Variants in MROH1 observed in about 807,000 individuals in gnomAD.
The protein encoded by MROH1 is maestro heat-like repeat-containing protein family member 1.
MROH1 carries 117 observed loss-of-function variants against 116.5 expected under a neutral mutation model. The observed-to-expected ratio is 1.00, with a 90% CI of 0.86 to 1.17. The LOEUF is 1.17. Ranked by LOEUF, MROH1 falls within the 50% of genes most tolerant of loss-of-function variation. The pLI is 0.00. For missense variants in MROH1, 1,873 were observed against 1,338.5 expected, an observed-to-expected ratio of 1.40 and a Z score of -6.23; for synonymous variants, 921 against 583.9, an observed-to-expected ratio of 1.58 and a Z score of -8.32.
chr8:144,208,413 T>TA (rs200301801), intron 12 of MROH1, among the ~76,000 whole-genome samples: 2,942 of 151,350 alleles, frequency 0.019, 39 homozygotes, highest in Middle Eastern at 0.038. Context: ...TGGGGTTTTT[T>TA]TTTTTTCTAT....
rs1396932223 is a variant in MROH1, at chr8:144,260,941, A to G, written c.4571A>G (p.Asn1524Ser). The G allele has an allele frequency of 3.9e-6, 3 of 777,678 alleles. No individual in the cohort carries two copies. The highest frequency in any genetic ancestry group is 3.1e-4 in the Middle Eastern group (1 of 3,232). The allele number at this position is 777,678 out of a possible 1,614,324, so 48.2% of individuals were successfully genotyped here. ...TTTGCCCTGCGCATGTGTGGCCCCA[A>G]TCTGGCATGTGAGGAGCTCTCAGCT... ...CRFALRMCGP[N>S]LACEELSAAF... The change falls in exon 41 of 44, where the codon AAT becomes AGT. Residue 1524 changes from asparagine (N) to serine (S), a missense_variant. By Grantham distance (46) the Asn-to-Ser change is conservative. Transcript: ENST00000326134.
chr8:144,238,345 G>A (rs1840395865), intron 14 of MROH1, among the ~76,000 whole-genome samples: 1 of 152,134 alleles, frequency 6.6e-6, no homozygotes, highest in Non-Finnish European at 1.5e-5. Context: ...GACGCCTTCT[G>A]GGGAGCTGAG....
intron 36 of MROH1, 97 bp downstream of exon 36, chr8:144,259,011 TC>T: frequency 3.1e-6 from 2 of 645,004 alleles, no homozygotes; most frequent in East Asian, 5.4e-5. Flanking sequence ...CCCATGCGTG[TC>T]AGGCCAATGG....
intron 14 of MROH1, among the ~76,000 whole-genome samples, chr8:144,236,282 G>A (rs1052795986): frequency 4.6e-5 from 7 of 152,136 alleles, no homozygotes; most frequent in Non-Finnish European, 7.4e-5. Flanking sequence ...GTATCATATC[G>A]GGGGTCCTAG....
chr8:144,196,153 G>A (rs1218540140), intron 10 of MROH1, among the ~76,000 whole-genome samples: 2 of 151,684 alleles, frequency 1.3e-5, no homozygotes, highest in African/African-American at 4.8e-5. Context: ...AGCTGGGCGT[G>A]GTGGCGGGTG....
In MROH1 at chr8:144,163,573, G is replaced by T. The variant is rs1374952272; in HGVS notation, c.-56-198G>T. Among the ~76,000 whole-genome samples the T allele has an allele frequency of 1.3e-5, 2 of 152,196 alleles. No individual in the cohort carries two copies. Among genetic ancestry groups the T allele is most frequent in the Non-Finnish European group, 2.9e-5 (2 of 68,038 alleles). ...TGGTAGGGACTGATGGGTGCTCAGG[G>T]ATGGAGGAGAGCTGGAAACTGTTGA... On this transcript the variant is annotated intron_variant, in intron 2 of 43. Coordinates refer to ENST00000326134, the MANE Select transcript of MROH1 (RefSeq NM_032450.3). The surrounding 1 kb of genome is among the most constrained non-coding windows in gnomAD (Gnocchi z 4.4).
At chr8:144,232,455 TTGAG>T (rs1839080736) in intron 14 of MROH1, among the ~76,000 whole-genome samples, 1 of 151,984 alleles carries the variant, frequency 6.6e-6, no homozygotes, top group South Asian at 2.1e-4. Flanking sequence ...GTAGATTAGA[TTGAG>T]TGCTTTGTTT....
chr8:144,159,025 G>A (rs1818844044), intron 1 of MROH1, among the ~76,000 whole-genome samples: 1 of 152,130 alleles, frequency 6.6e-6, no homozygotes, highest in African/African-American at 2.4e-5. Flanking sequence ...ACAGGTATGA[G>A]CCACTCTGCC....
intron 35 of MROH1, among the ~76,000 whole-genome samples, chr8:144,257,017 AACTG>A (rs1843985777): frequency 6.6e-6 from 1 of 152,082 alleles, no homozygotes; most frequent in Non-Finnish European, 1.5e-5. Flanking sequence ...GGCCCAGCTG[AACTG>A]ACTGTGGCCC....
In MROH1 at chr8:144,258,837, G is replaced by A; in HGVS notation, c.3852G>A (p.Gln1284=). 1.3e-6 allele frequency: 1 copy of A among 769,484 alleles called. No homozygotes were observed. Among genetic ancestry groups the A allele is most frequent in the Non-Finnish European group, 2.4e-6 (1 of 414,526 alleles). 47.7% of individuals were successfully genotyped at this position (769,484 alleles called of 1,614,324 possible). Reference sequence around the variant, plus strand: ...GCAGCGGCAGCGAGGATGTGGTACAGCGCATGGACCTGGAGGGAGGCTGGG... The same window carrying A: ...GCAGCGGCAGCGAGGATGTGGTACAACGCATGGACCTGGAGGGAGGCTGGG... The part of the protein sequence containing the change: ...LLRSGSEDVV[Q]RMDLEGGWEL... Residue 1284 remains glutamine (Q), a synonymous_variant, in exon 36 of 44, where the codon CAG becomes CAA. Coordinates refer to ENST00000326134, the MANE Select transcript of MROH1 (RefSeq NM_032450.3).
intron 12 of MROH1, among the ~76,000 whole-genome samples, chr8:144,218,078 A>G (rs1418970335): frequency 1.3e-5 from 2 of 151,830 alleles, no homozygotes; most frequent in Middle Eastern, 3.2e-3. Context: ...GTGCCCGTCT[A>G]CTCAATTCCA....
At chr8:144,234,421 GT>G (rs1378665200) in intron 14 of MROH1, among the ~76,000 whole-genome samples, 1 of 138,026 alleles carries the variant, frequency 7.2e-6, no homozygotes, top group Non-Finnish European at 1.6e-5. Context: ...CGTTTTGCAC[GT>G]TTTTCGTTAG....
rs1191397476 is a variant in MROH1 at position 144,254,971 on chromosome 8, C to G, written c.3587C>G (p.Pro1196Arg). The stretch of plus-strand genomic sequence containing the variant: ...CCAGACCGCGTGGCCACGCTGCTGC[C>G]TCTCTCGGTGAGTCGGGCTCTCGGG... ...RTPDRVATLLPLSATCALFEV... is the reference protein window; with the variant it reads ...RTPDRVATLLRLSATCALFEV... The change falls in exon 34 of 44, where the codon CCT becomes CGT. Residue 1196 changes from proline to arginine, a missense_variant. Transcript: ENST00000326134. 1.3e-6 allele frequency: 1 copy of G among 765,684 alleles called. No homozygotes were observed. Among genetic ancestry groups the G allele is most frequent in the East Asian group, 2.5e-5 (1 of 40,760 alleles). The allele number at this position is 765,684 out of a possible 1,614,324, so 47.4% of individuals were successfully genotyped here.
chr8:144,176,225 TAGCC>T (rs987679248), intron 4 of MROH1, among the ~76,000 whole-genome samples: 2 of 151,374 alleles, frequency 1.3e-5, no homozygotes, highest in Non-Finnish European at 2.9e-5. Flanking sequence ...AAAAAAAAAT[TAGCC>T]AGGAATGGTG....
rs929154595 is a variant in MROH1 at position 144,260,189 on chromosome 8, C to T, written c.4195C>T (p.Arg1399Ter). ...GCTGAGTGTAAGGTATCCTCAGGTG[C>T]GAACCCACGGCCCCCAGCTCCTCAC... ...NLASGCPDKV[R>*]THGPQLLTAM... Residue 1399 changes from arginine (R) to a stop codon, truncating the protein, a stop_gained, in exon 39 of 44, where the codon CGA (arginine) becomes TGA (stop). Transcript: ENST00000326134. LOFTEE classifies it high-confidence loss of function. 8 of 764,836 alleles carry T rather than the reference C, an allele frequency of 1.0e-5. No individual in the cohort carries two copies. Among genetic ancestry groups the T allele is most frequent in the Admixed American group, 5.1e-5 (3 of 58,986 alleles). 47.4% of individuals were successfully genotyped at this position (764,836 alleles called of 1,614,324 possible).
rs1554822833 is a variant in MROH1 at position 144,231,334 on chromosome 8, A to AT, written c.1339-7422_1339-7421insT. On this transcript the variant is annotated intron_variant, in intron 14 of 43. Coordinates refer to ENST00000326134, the MANE Select transcript of MROH1 (RefSeq NM_032450.3). Reference sequence around the variant, plus strand: ...CAATGAGCTGTTGGGCACACCTCCCAGACGGGGTGGTGGCCGGGCAGAGGG... The same window carrying AT: ...CAATGAGCTGTTGGGCACACCTCCCATGACGGGGTGGTGGCCGGGCAGAGGG... Among the ~76,000 whole-genome samples, 165 of 152,186 alleles carry AT rather than the reference A, an allele frequency of 1.1e-3. 1 individual carries two copies. The highest frequency in any genetic ancestry group is 3.9e-3 in the African/African-American group (163 of 41,514).
At chr8:144,201,425 G>A (rs1831124824) in intron 12 of MROH1, among the ~76,000 whole-genome samples, 1 of 152,176 alleles carries the variant, frequency 6.6e-6, no homozygotes, top group Non-Finnish European at 1.5e-5. Context: ...TGAGCTTGTG[G>A]TTTCCAGCGT....
rs1844773618 is a variant in MROH1, at chr8:144,260,284, C to T, written c.4290C>T (p.Gly1430=). 3.9e-6 allele frequency: 3 copies of T among 762,210 alleles called. No homozygotes were observed. The highest frequency in any genetic ancestry group is 7.2e-6 in the Non-Finnish European group (3 of 415,116). The allele number at this position is 762,210 out of a possible 1,614,324, so 47.2% of individuals were successfully genotyped here. A position where few individuals can be genotyped will look rare whatever the true frequency, so the allele number is the denominator to read the frequency against. Residue 1430 remains glycine, a synonymous_variant, in exon 39 of 44, where the codon GGC becomes GGT. Coordinates refer to ENST00000326134, the MANE Select transcript of MROH1 (RefSeq NM_032450.3). ...HSPVALEAML[G]LARLVHLVES... ...CAGTGGCCCTGGAGGCCATGCTGGG[C>T]CTTGCGAGGCTGGTGCACCTGGTGG... is the stretch of plus-strand genomic sequence containing the variant.
chr8:144,249,541 C>T (rs950796673), intron 32 of MROH1, among the ~76,000 whole-genome samples: 1 of 152,074 alleles, frequency 6.6e-6, no homozygotes, highest in Non-Finnish European at 1.5e-5. Flanking sequence ...GAGCAGGGAG[C>T]CCCCTCGTGA....
Sources: allele counts gnomAD v4.1 joint callset (sites outside exome capture counted in the v4.1 genomes callset), GRCh38; gene constraint gnomAD v4.1.1; non-coding constraint Gnocchi (gnomAD v3.1); transcripts MANE v1.5; gene names NCBI Gene and HGNC (gene_info 2026-07-23, HGNC 2026-07-21).